RPS25: variants seen among roughly 807,000 people sequenced by gnomAD.
The protein encoded by RPS25 is small ribosomal subunit protein eS25.
RPS25 carries 1 observed loss-of-function variant against 14.4 expected under a neutral mutation model. The observed-to-expected ratio is 0.07, with a 90% confidence interval of 0.02 to 0.33. The LOEUF (loss-of-function observed/expected upper bound fraction) is 0.33. Ranked by LOEUF, RPS25 falls within the 10% of genes least tolerant of loss-of-function variation. The pLI, the probability that RPS25 is intolerant of heterozygous loss-of-function variation, is 1.00. For synonymous variants in RPS25, 63 were observed against 53.8 expected (o/e 1.17, Z -0.75); for missense variants, 65 against 144.6 (o/e 0.45, Z 2.82).
chr11:119,017,102 A>G (rs373424912), intron 3 of RPS25, among the ~76,000 whole-genome samples: 180 of 152,366 alleles, frequency 1.2e-3, no homozygotes, highest in African/African-American at 3.9e-3. Flanking sequence ...CTGTAATTCT[A>G]TGCATCCATT....
chr11:119,016,105 A>G (rs1308830864), intron 3 of RPS25, among the ~76,000 whole-genome samples, 166 bp from the exon 4 acceptor site: 1 of 152,120 alleles, frequency 6.6e-6, no homozygotes, highest in African/African-American at 2.4e-5. Flanking sequence ...CTGGCCAACA[A>G]GGTGAAACCC....
intron 3 of RPS25, 32 bp from the exon 4 acceptor site, chr11:119,015,971 T>A: frequency 7.7e-7 from 1 of 1,291,632 alleles, no homozygotes; most frequent in Non-Finnish European, 1.1e-6. Flanking sequence ...ATGAGATGCT[T>A]AACAGATGCT....
intron 3 of RPS25, among the ~76,000 whole-genome samples, chr11:119,016,871 C>T (rs7105187): frequency 0.27 from 40,786 of 151,932 alleles, 5,764 homozygotes; most frequent in African/African-American, 0.33. Context: ...ATTCACCCGC[C>T]TTGGCCTCCC....
In RPS25 at chr11:119,016,721, C is replaced by T. The variant is rs113729355; in HGVS notation, c.283+641G>A. On this transcript the variant is annotated intron_variant, in intron 3 of 4. Coordinates refer to ENST00000527673, the MANE Select transcript of RPS25 (RefSeq NM_001028.3). ...TCTCGGCTCACTGCCACCTCCATCT[C>T]CTGGGTTCAAGGGATCCTCATGCCT... Among the ~76,000 whole-genome samples, 1,358 of 151,372 alleles carry T rather than the reference C, an allele frequency of 9.0e-3. 24 individuals are homozygous for T. The highest frequency in any genetic ancestry group is 0.031 in the African/African-American group (1,278 of 41,246).
intron 3 of RPS25, among the ~76,000 whole-genome samples, chr11:119,016,637 C>A (rs954148290): frequency 6.6e-5 from 10 of 150,834 alleles, no homozygotes; most frequent in Admixed American, 2.0e-4. Flanking sequence ...ATCTTCCACC[C>A]CCCCCCCCTT....
Position 119,017,423 on chromosome 11 carries a change from A to T in RPS25, c.222T>A (p.Ser74=), listed in dbSNP as rs782246936. 4.3e-6 allele frequency: 7 copies of T among 1,614,008 alleles called. No homozygotes were observed. The highest frequency in any genetic ancestry group is 5.9e-6 in the Non-Finnish European group (7 of 1,179,960). ...NYKLITPAVV[S]ERLKIRGSLA... ...GGGAGCCTCGAATCTTCAGTCTCTC[A>T]GAGACCACAGCTGGGGTTATAAGTT... is the stretch of plus-strand genomic sequence containing the variant. The change falls in exon 3 of 5, where the codon TCT becomes TCA. Residue 74 remains serine, a synonymous_variant. Coordinates refer to ENST00000527673, the MANE Select transcript of RPS25 (RefSeq NM_001028.3).
chr11:119,016,667 G>A (rs1459319783), intron 3 of RPS25, among the ~76,000 whole-genome samples: 3 of 140,278 alleles, frequency 2.1e-5, no homozygotes, highest in Admixed American at 7.6e-5. Flanking sequence ...GTCTTTTGCT[G>A]TCACTAAGGC....
intron 1 of RPS25, 79 bp from the exon 2 acceptor site, chr11:119,018,132 A>G (rs1334729704): frequency 1.3e-6 from 2 of 1,561,694 alleles, no homozygotes; most frequent in African/African-American, 2.7e-5. Context: ...CAGCCCCCGC[A>G]AACTCCACCA....
intron 3 of RPS25, among the ~76,000 whole-genome samples, 195 bp downstream of exon 3, chr11:119,017,167 C>T (rs1040068040): frequency 2.0e-5 from 3 of 152,162 alleles, no homozygotes; most frequent in Admixed American, 1.3e-4. Context: ...GGGTCCACGG[C>T]ACAAAAGTGG....
At chr11:119,018,240 C>T in intron 1 of RPS25, 42 bp downstream of exon 1, 2 of 1,614,062 alleles carry the variant, frequency 1.2e-6, no homozygotes, top group Non-Finnish European at 1.7e-6. Context: ...ACTGAGTCCT[C>T]AAACCCAAGA....
At chr11:119,017,118 G>A (rs1054891615) in intron 3 of RPS25, among the ~76,000 whole-genome samples, 1 of 152,022 alleles carries the variant, frequency 6.6e-6, no homozygotes, top group South Asian at 2.1e-4. Flanking sequence ...CCATTTACTC[G>A]AAACATAAAA....
At chr11:119,017,817 G>T in intron 2 of RPS25, 141 bp downstream of exon 2, 1 of 729,522 alleles carries the variant, frequency 1.4e-6, no homozygotes, top group Non-Finnish European at 2.4e-6. Flanking sequence ...GAAAAAGAAC[G>T]AGTGGTGACG....
At chr11:119,016,791 C>T (rs919898669) in intron 3 of RPS25, among the ~76,000 whole-genome samples, 1 of 152,052 alleles carries the variant, frequency 6.6e-6, no homozygotes, top group African/African-American at 2.4e-5. Flanking sequence ...CCCCCACGTC[C>T]AGCTAACTTT....
intron 3 of RPS25, 30 bp downstream of exon 3, chr11:119,017,332 A>C: frequency 6.5e-7 from 1 of 1,528,932 alleles, no homozygotes; most frequent in Non-Finnish European, 8.9e-7. Context: ...TTTAACCTAC[A>C]AAAACACACA....
chr11:119,018,290 A>G lies in RPS25; in HGVS notation c.-6T>C, dbSNP rs1943215366. 3 of 1,614,162 alleles carry G rather than the reference A, an allele frequency of 1.9e-6. No homozygotes were observed. The South Asian group carries it at 3.3e-5, about 18-fold the overall frequency. ...ACACCCCTGAAGCTTACCATTGCGA[A>G]GCTCGGAGAATAGCAGCAGACACCG... is the stretch of plus-strand genomic sequence containing the variant. On this transcript the variant is annotated 5_prime_UTR_variant, in exon 1 of 5. Coordinates refer to ENST00000527673, the MANE Select transcript of RPS25 (RefSeq NM_001028.3).
intron 3 of RPS25, among the ~76,000 whole-genome samples, chr11:119,016,147 G>T (rs2134586666): frequency 6.6e-6 from 1 of 152,292 alleles, no homozygotes; most frequent in South Asian, 2.1e-4. Flanking sequence ...AATTAGCTGG[G>T]CATGGTGGCA....
chr11:119,015,771 A>AT lies in RPS25; in HGVS notation c.*5-14dup. The AT allele has an allele frequency of 4.5e-6, 6 of 1,322,968 alleles. No homozygotes were observed. Among genetic ancestry groups the AT allele is most frequent in the Non-Finnish European group, 6.4e-6 (6 of 932,380 alleles). The allele number at this position is 1,322,968 out of a possible 1,614,324, so 82.0% of individuals were successfully genotyped here. ...CAGCTGGTTGGACCTGTAAAAAAAA[A>AT]TTAAAAGAATCAGAACCATAAAGCT... On this transcript the variant is annotated splice_polypyrimidine_tract_variant and intron_variant, in intron 4 of 4. Transcript: ENST00000527673.
intron 1 of RPS25, 45 bp downstream of exon 1, chr11:119,018,236 TC>T (rs1464716626): frequency 1.5e-5 from 24 of 1,613,652 alleles, no homozygotes; most frequent in Non-Finnish European, 1.9e-5. Flanking sequence ...CCCCACTGAG[TC>T]CTCAAACCCA....
intron 2 of RPS25, 120 bp from the exon 3 acceptor site, chr11:119,017,665 C>T: frequency 1.0e-6 from 1 of 964,330 alleles, no homozygotes; most frequent in Non-Finnish European, 1.5e-6. Context: ...TTACACATTA[C>T]TAAAACAAAA....
Sources: allele counts gnomAD v4.1 joint callset (sites outside exome capture counted in the v4.1 genomes callset), GRCh38; gene constraint gnomAD v4.1.1; transcripts MANE v1.5; gene names NCBI Gene and HGNC (gene_info 2026-07-23, HGNC 2026-07-21).